Variants in FOXD3 observed in about 807,000 individuals in gnomAD.
FOXD3 encodes forkhead box D3.
Under a neutral mutation model 3.6 loss-of-function variants are expected in FOXD3, and 3 were observed. The ratio of observed to expected loss-of-function variants is 0.84; its 90% CI spans 0.38 to 2.18. FOXD3 has a LOEUF of 2.18. Ranked by LOEUF, FOXD3 falls within the 30% of genes most tolerant of loss-of-function variation. The probability of loss-of-function intolerance (pLI) is 0.06; values close to 1 mark genes in which losing one functional copy is unlikely to be tolerated. For synonymous variants in FOXD3, 391 were observed against 360.9 expected (o/e 1.08, Z -0.94); for missense variants, 686 against 731.6 (o/e 0.94, Z 0.72).
rs1411767591 is a variant in FOXD3 at position 63,323,938 on chromosome 1, G to A, written c.880G>A (p.Ala294Thr). The change falls in exon 1 of 1, where the codon GCC (alanine) becomes ACC (threonine). Residue 294 changes from alanine (A) to threonine (T), a missense_variant. This residue lies in a region of FOXD3 where 370 missense variants were observed against 372.3 expected (regional missense o/e 0.99). Coordinates refer to ENST00000371116, the MANE Select transcript of FOXD3 (RefSeq NM_012183.3). The surrounding 1 kb of genome is among the most constrained non-coding windows in gnomAD (Gnocchi z 6.8). ...GAYSHPAAAA[A>T]AAAAAALQYP... is the part of the protein sequence containing the mutation. ...CTATTCGCACCCGGCAGCGGCGGCG[G>A]CCGCGGCTGCTGCGGCGGCGCTCCA... 2.4e-6 allele frequency: 3 copies of A among 1,243,294 alleles called. No homozygotes were observed. The highest frequency in any genetic ancestry group is 3.2e-5 in the African/African-American group (2 of 63,432). 77.0% of individuals were successfully genotyped at this position (1,243,294 alleles called of 1,614,324 possible).
In FOXD3 at chr1:63,323,984, C is replaced by T; in HGVS notation, c.926C>T (p.Pro309Leu). The T allele has an allele frequency of 7.8e-7, 1 of 1,277,190 alleles. No individual in the cohort carries two copies. The allele number at this position is 1,277,190 out of a possible 1,614,324, so 79.1% of individuals were successfully genotyped here. The change falls in exon 1 of 1, where the codon CCG becomes CTG. Residue 309 changes from proline (P) to leucine (L), a missense_variant. By Grantham distance (98) the Pro-to-Leu change is moderately conservative. This residue lies in a region of FOXD3 where 370 missense variants were observed against 372.3 expected (regional missense o/e 0.99). Coordinates refer to ENST00000371116, the MANE Select transcript of FOXD3 (RefSeq NM_012183.3). The surrounding 1 kb of genome is among the most constrained non-coding windows in gnomAD (Gnocchi z 6.8). The part of the protein sequence containing the change: ...AALQYPYALP[P>L]VAPVLPPAVP... ...CTCCAGTACCCGTACGCGCTGCCGC[C>T]GGTGGCACCGGTGCTGCCTCCCGCT...
rs758086321 is a variant in FOXD3, at chr1:63,324,063, A to G, written c.1005A>G (p.Ser335=). 7 of 1,401,610 alleles carry G rather than the reference A, an allele frequency of 5.0e-6. No homozygotes were observed. The highest frequency in any genetic ancestry group is 3.1e-5 in the East Asian group (1 of 32,330). 86.8% of individuals were successfully genotyped at this position (1,401,610 alleles called of 1,614,324 possible). A position where few individuals can be genotyped will look rare whatever the true frequency, so the allele number is the denominator to read the frequency against. Reference sequence around the variant, plus strand: ...GCCGCAAAGCGGCCGCCTTCGGCTCACAGCTCGGCCCGGGCCTGCAGCTGC... The same window carrying G: ...GCCGCAAAGCGGCCGCCTTCGGCTCGCAGCTCGGCCCGGGCCTGCAGCTGC... The part of the protein sequence containing the change: ...ELGRKAAAFG[S]QLGPGLQLQL... The change falls in exon 1 of 1, where the codon TCA becomes TCG. Residue 335 remains serine (S), a synonymous_variant. Transcript: ENST00000371116. The surrounding 1 kb of genome is among the most constrained non-coding windows in gnomAD (Gnocchi z 4.1).
chr1:63,324,014 C>T lies in FOXD3; in HGVS notation c.956C>T (p.Pro319Leu), dbSNP rs1647052905. ...PVAPVLPPAV[P>L]LLPSGELGRK... is the part of the protein sequence containing the mutation. ...GCACCGGTGCTGCCTCCCGCTGTGC[C>T]GCTGCTGCCCTCGGGCGAGCTGGGC... The change falls in exon 1 of 1, where the codon CCG (proline) becomes CTG (leucine). Residue 319 changes from proline (P) to leucine (L), a missense_variant. Transcript: ENST00000371116. The surrounding 1 kb of genome is among the most constrained non-coding windows in gnomAD (Gnocchi z 4.1). The T allele has an allele frequency of 7.4e-7, 1 of 1,354,406 alleles. No individual in the cohort carries two copies. The highest frequency in any genetic ancestry group is 9.5e-7 in the Non-Finnish European group (1 of 1,057,496). 83.9% of individuals were successfully genotyped at this position (1,354,406 alleles called of 1,614,324 possible).
Position 63,322,940 on chromosome 1 carries a change from C to T in FOXD3, c.-119C>T, listed in dbSNP as rs1647036396. On this transcript the variant is annotated 5_prime_UTR_variant, in exon 1 of 1. Transcript: ENST00000371116. ...AGCCACCTGCGGCCCCCTCCCCTCT[C>T]CCTGCCCCCCATCTTTCGGGGGCAC... 1.1e-5 allele frequency: 16 copies of T among 1,399,278 alleles called. No homozygotes were observed. In the South Asian group the frequency reaches 2.0e-4, roughly 17 times the overall value. The allele number at this position is 1,399,278 out of a possible 1,614,324, so 86.7% of individuals were successfully genotyped here. A position where few individuals can be genotyped will look rare whatever the true frequency, so the allele number is the denominator to read the frequency against.
In FOXD3 at chr1:63,324,203, A is replaced by G. The variant is rs1411433593; in HGVS notation, c.1145A>G (p.Asn382Ser). Residue 382 changes from asparagine to serine, a missense_variant, in exon 1 of 1, where the codon AAC becomes AGC. Transcript: ENST00000371116. This position sits in a 1 kb window ranked among gnomAD's most constrained non-coding sequence, Gnocchi z 4.1. ...PSARPSFSIE[N>S]IIGGGPAAPG... is the part of the protein sequence containing the mutation. ...GCGCGGCCGTCGTTCAGCATCGAGA[A>G]CATCATAGGTGGGGGCCCCGCGGCT... 3.5e-6 allele frequency: 5 copies of G among 1,438,996 alleles called. No homozygotes were observed. Among genetic ancestry groups the G allele is most frequent in the African/African-American group, 1.5e-5 (1 of 65,884 alleles). The allele number at this position is 1,438,996 out of a possible 1,614,324, so 89.1% of individuals were successfully genotyped here.
In FOXD3 at chr1:63,323,676, G is replaced by A. The variant is rs760636951; in HGVS notation, c.618G>A (p.Pro206=). The part of the protein sequence containing the change: ...NDCFVKIPRE[P]GNPGKGNYWT... The stretch of plus-strand genomic sequence containing the variant: ...GCTTCGTCAAGATCCCCCGCGAGCC[G>A]GGCAACCCGGGCAAGGGCAACTACT... Residue 206 remains proline, a synonymous_variant, in exon 1 of 1, where the codon CCG becomes CCA. Transcript: ENST00000371116. The surrounding 1 kb of genome is among the most constrained non-coding windows in gnomAD (Gnocchi z 6.8). 28 of 1,613,922 alleles carry A rather than the reference G, an allele frequency of 1.7e-5. No homozygotes were observed. Among genetic ancestry groups the A allele is most frequent in the Middle Eastern group, 1.6e-4 (1 of 6,082 alleles).
chr1:63,324,047 C>A lies in FOXD3; in HGVS notation c.989C>A (p.Ala330Glu), dbSNP rs1203398151. 5 of 1,383,132 alleles carry A rather than the reference C, an allele frequency of 3.6e-6. No individual in the cohort carries two copies. The highest frequency in any genetic ancestry group is 3.3e-5 in the South Asian group (2 of 60,034). 85.7% of individuals were successfully genotyped at this position (1,383,132 alleles called of 1,614,324 possible). Residue 330 changes from alanine to glutamate, a missense_variant, in exon 1 of 1, where the codon GCG (alanine) becomes GAG (glutamate). By Grantham distance (107) the Ala-to-Glu change is moderately radical. Around this residue, in one of 3 missense-constraint regions of FOXD3, gnomAD observed 370 missense variants for 372.3 expected, o/e 0.99. Coordinates refer to ENST00000371116, the MANE Select transcript of FOXD3 (RefSeq NM_012183.3). The surrounding 1 kb of genome is among the most constrained non-coding windows in gnomAD (Gnocchi z 4.1). ...LLPSGELGRK[A>E]AAFGSQLGPG... ...CCCTCGGGCGAGCTGGGCCGCAAAG[C>A]GGCCGCCTTCGGCTCACAGCTCGGC...
chr1:63,324,585 C>T lies in FOXD3; in HGVS notation c.*90C>T, dbSNP rs545812255. 1 of 968,122 alleles carries T rather than the reference C, an allele frequency of 1.0e-6. No homozygotes were observed. Among genetic ancestry groups the T allele is most frequent in the Admixed American group, 2.5e-5 (1 of 40,004 alleles). 60.0% of individuals were successfully genotyped at this position (968,122 alleles called of 1,614,324 possible). A position where few individuals can be genotyped will look rare whatever the true frequency, so the allele number is the denominator to read the frequency against. On this transcript the variant is annotated 3_prime_UTR_variant, in exon 1 of 1. Coordinates refer to ENST00000371116, the MANE Select transcript of FOXD3 (RefSeq NM_012183.3). This position sits in a 1 kb window ranked among gnomAD's most constrained non-coding sequence, Gnocchi z 4.1. ...CTGCGCGCCCTGTCCCAAGCCCGGT[C>T]CCGGTCCCGCTGCCCAATCCTGGAC...
Position 63,324,441 on chromosome 1 carries a change from C to T in FOXD3, c.1383C>T (p.Ala461=), listed in dbSNP as rs1208241654. The T allele has an allele frequency of 6.5e-7, 1 of 1,546,388 alleles. No individual in the cohort carries two copies. Among genetic ancestry groups the T allele is most frequent in the African/African-American group, 1.4e-5 (1 of 72,966 alleles). The part of the protein sequence containing the change: ...PLSGQFLQPA[A]SAAAAAAAAA... ...CCGGACAGTTTCTGCAGCCCGCAGC[C>T]TCGGCCGCCGCCGCTGCTGCGGCCG... Residue 461 remains alanine (A), a synonymous_variant, in exon 1 of 1, where the codon GCC becomes GCT. Transcript: ENST00000371116. The surrounding 1 kb of genome is among the most constrained non-coding windows in gnomAD (Gnocchi z 4.1).
Position 63,324,120 on chromosome 1 carries a change from T to TGCGGGCACA in FOXD3, c.1069_1077dup (p.Thr357_Gly359dup). ...ATAGCCTGGGCGCCGCCGCGGCCGC[T>TGCGGGCACA]GCGGGCACAGCGGGCGCCGCGGGCA... is the stretch of plus-strand genomic sequence containing the variant. On this transcript the variant is annotated inframe_insertion, in exon 1 of 1. Coordinates refer to ENST00000371116, the MANE Select transcript of FOXD3 (RefSeq NM_012183.3). The surrounding 1 kb of genome is among the most constrained non-coding windows in gnomAD (Gnocchi z 4.1). 1 of 1,430,812 alleles carries TGCGGGCACA rather than the reference T, an allele frequency of 7.0e-7. No homozygotes were observed. Among genetic ancestry groups the TGCGGGCACA allele is most frequent in the Non-Finnish European group, 9.0e-7 (1 of 1,105,530 alleles). The allele number at this position is 1,430,812 out of a possible 1,614,324, so 88.6% of individuals were successfully genotyped here.
In FOXD3 at chr1:63,323,728, A is replaced by T. The variant is rs1647048207; in HGVS notation, c.670A>T (p.Met224Leu). The T allele has an allele frequency of 6.2e-7, 1 of 1,613,810 alleles. No individual in the cohort carries two copies. The highest frequency in any genetic ancestry group is 1.1e-5 in the South Asian group (1 of 91,076). ...YWTLDPQSED[M>L]FDNGSFLRRR... is the part of the protein sequence containing the mutation. ...GACCCTGGACCCGCAGTCCGAGGAC[A>T]TGTTCGACAACGGCAGCTTCCTGCG... Residue 224 changes from methionine to leucine, a missense_variant, in exon 1 of 1, where the codon ATG (methionine) becomes TTG (leucine). Transcript: ENST00000371116. The surrounding 1 kb of genome is among the most constrained non-coding windows in gnomAD (Gnocchi z 6.8).
chr1:63,324,574 C>T lies in FOXD3; in HGVS notation c.*79C>T, dbSNP rs1310378027. The T allele has an allele frequency of 1.8e-6, 2 of 1,105,090 alleles. No homozygotes were observed. Among genetic ancestry groups the T allele is most frequent in the African/African-American group, 1.6e-5 (1 of 62,282 alleles). 68.5% of individuals were successfully genotyped at this position (1,105,090 alleles called of 1,614,324 possible). On this transcript the variant is annotated 3_prime_UTR_variant, in exon 1 of 1. Coordinates refer to ENST00000371116, the MANE Select transcript of FOXD3 (RefSeq NM_012183.3). This position sits in a 1 kb window ranked among gnomAD's most constrained non-coding sequence, Gnocchi z 4.1. ...GCACCTCCAGGCTGCGCGCCCTGTCCCAAGCCCGGTCCCGGTCCCGCTGCC... is the reference window on the plus strand; with the variant it reads ...GCACCTCCAGGCTGCGCGCCCTGTCTCAAGCCCGGTCCCGGTCCCGCTGCC...
rs1647039990 is a variant in FOXD3, at chr1:63,323,176, A to G, written c.118A>G (p.Ser40Gly). The stretch of plus-strand genomic sequence containing the variant: ...CGACGACGGGCTGGAAGAGAAGGAC[A>G]GCGACGCAGGTTGCGATAGCCCCGC... Reference protein sequence around the residue: ...EGDDGLEEKDSDAGCDSPAGP... With the variant: ...EGDDGLEEKDGDAGCDSPAGP... Residue 40 changes from serine (S) to glycine (G), a missense_variant, in exon 1 of 1, where the codon AGC (serine) becomes GGC (glycine). Physicochemically the swap from Ser to Gly is moderately conservative, Grantham distance 56. Transcript: ENST00000371116. This position sits in a 1 kb window ranked among gnomAD's most constrained non-coding sequence, Gnocchi z 6.8. The G allele has an allele frequency of 2.4e-5, 37 of 1,563,564 alleles. No homozygotes were observed. Among genetic ancestry groups the G allele is most frequent in the Non-Finnish European group, 3.2e-5 (37 of 1,156,928 alleles).
Position 63,324,218 on chromosome 1 carries a change from GC to G in FOXD3, c.1164del (p.Ala389ArgfsTer49). On this transcript the variant is annotated frameshift_variant, in exon 1 of 1. Transcript: ENST00000371116. LOFTEE classifies it low-confidence loss of function (END_TRUNC). This position sits in a 1 kb window ranked among gnomAD's most constrained non-coding sequence, Gnocchi z 4.1. ...AGCATCGAGAACATCATAGGTGGGG[GC>G]CCCGCGGCTCCTGGGGGCTCGGCGG... ...SFSIENIIGG[G>X]PAAPGGSAVG... 6.9e-7 allele frequency: 1 copy of G among 1,441,470 alleles called. No homozygotes were observed. 89.3% of individuals were successfully genotyped at this position (1,441,470 alleles called of 1,614,324 possible).
chr1:63,322,988 C>A lies in FOXD3; in HGVS notation c.-71C>A. 1 of 1,487,956 alleles carries A rather than the reference C, an allele frequency of 6.7e-7. No homozygotes were observed. The highest frequency in any genetic ancestry group is 2.4e-4 in the Middle Eastern group (1 of 4,204). 92.2% of individuals were successfully genotyped at this position (1,487,956 alleles called of 1,614,324 possible). A position where few individuals can be genotyped will look rare whatever the true frequency, so the allele number is the denominator to read the frequency against. ...CACTCAAACCCTCTTCCCCTGAGCTCCGTGGCAGCCCCCGAACACCCTCAT... is the reference window on the plus strand; with the variant it reads ...CACTCAAACCCTCTTCCCCTGAGCTACGTGGCAGCCCCCGAACACCCTCAT... On this transcript the variant is annotated 5_prime_UTR_variant, in exon 1 of 1. Coordinates refer to ENST00000371116, the MANE Select transcript of FOXD3 (RefSeq NM_012183.3).
chr1:63,323,006 A>G lies in FOXD3; in HGVS notation c.-53A>G. 1 of 1,502,364 alleles carries G rather than the reference A, an allele frequency of 6.7e-7. No homozygotes were observed. Among genetic ancestry groups the G allele is most frequent in the Non-Finnish European group, 8.8e-7 (1 of 1,130,550 alleles). The allele number at this position is 1,502,364 out of a possible 1,614,324, so 93.1% of individuals were successfully genotyped here. A position where few individuals can be genotyped will look rare whatever the true frequency, so the allele number is the denominator to read the frequency against. On this transcript the variant is annotated 5_prime_UTR_variant, in exon 1 of 1. Coordinates refer to ENST00000371116, the MANE Select transcript of FOXD3 (RefSeq NM_012183.3). The surrounding 1 kb of genome is among the most constrained non-coding windows in gnomAD (Gnocchi z 6.8). Reference sequence around the variant, plus strand: ...CTGAGCTCCGTGGCAGCCCCCGAACACCCTCATCGCCCGCTGCCCCCTCCC... The same window carrying G: ...CTGAGCTCCGTGGCAGCCCCCGAACGCCCTCATCGCCCGCTGCCCCCTCCC...
In FOXD3 at chr1:63,323,856, C is replaced by A; in HGVS notation, c.798C>A (p.Gly266=). ...CTTACAGCCTGGCGGCGGCGGCCGG[C>A]GCCGCGGGACCCTACGGCCGCCCCT... is the stretch of plus-strand genomic sequence containing the variant. The part of the protein sequence containing the change: ...FGAYSLAAAA[G]AAGPYGRPYG... The change falls in exon 1 of 1, where the codon GGC becomes GGA. Residue 266 remains glycine, a synonymous_variant. Transcript: ENST00000371116. This position sits in a 1 kb window ranked among gnomAD's most constrained non-coding sequence, Gnocchi z 6.8. The A allele has an allele frequency of 6.5e-7, 1 of 1,543,468 alleles. No individual in the cohort carries two copies. Among genetic ancestry groups the A allele is most frequent in the South Asian group, 1.2e-5 (1 of 83,354 alleles).
At position 63,324,447 on chromosome 1, in the gene FOXD3, C is replaced by T; in HGVS notation, c.1389C>T (p.Ala463=). ...AGTTTCTGCAGCCCGCAGCCTCGGCCGCCGCCGCTGCTGCGGCCGCCGCTC... is the reference window on the plus strand; with the variant it reads ...AGTTTCTGCAGCCCGCAGCCTCGGCTGCCGCCGCTGCTGCGGCCGCCGCTC... ...SGQFLQPAAS[A]AAAAAAAAQA... is the part of the protein sequence containing the mutation. The change falls in exon 1 of 1, where the codon GCC becomes GCT. Residue 463 remains alanine (A), a synonymous_variant. Transcript: ENST00000371116. The surrounding 1 kb of genome is among the most constrained non-coding windows in gnomAD (Gnocchi z 4.1). The T allele has an allele frequency of 1.3e-6, 2 of 1,541,324 alleles. No homozygotes were observed. The highest frequency in any genetic ancestry group is 1.2e-5 in the South Asian group (1 of 84,360).
rs1647054534 is a variant in FOXD3 at position 63,324,135 on chromosome 1, C to A, written c.1077C>A (p.Gly359=). The A allele has an allele frequency of 2.1e-6, 3 of 1,433,250 alleles. No homozygotes were observed. Among genetic ancestry groups the A allele is most frequent in the East Asian group, 6.1e-5 (2 of 33,052 alleles). 88.8% of individuals were successfully genotyped at this position (1,433,250 alleles called of 1,614,324 possible). Residue 359 remains glycine (G), a synonymous_variant, in exon 1 of 1, where the codon GGC becomes GGA. Transcript: ENST00000371116. The surrounding 1 kb of genome is among the most constrained non-coding windows in gnomAD (Gnocchi z 4.1). The part of the protein sequence containing the change: ...GAAAAAAGTA[G]AAGTTASLIK... ...CCGCGGCCGCTGCGGGCACAGCGGG[C>A]GCCGCGGGCACCACCGCGTCGCTCA...
Sources: allele counts gnomAD v4.1 joint callset, GRCh38; gene constraint gnomAD v4.1.1; regional missense constraint gnomAD v4.1.1; non-coding constraint Gnocchi (gnomAD v3.1); transcripts MANE v1.5; gene names NCBI Gene and HGNC (gene_info 2026-07-23, HGNC 2026-07-21).